Variants in DDX10 observed in about 807,000 individuals in gnomAD.
The protein encoded by DDX10 is DEAD-box helicase 10.
In DDX10, 74 loss-of-function variants were observed where a neutral mutation model predicts 104.3. The ratio of observed to expected loss-of-function variants is 0.71; its 90% confidence interval spans 0.59 to 0.86. The LOEUF (loss-of-function observed/expected upper bound fraction) is 0.86, where lower values mean the gene tolerates loss of function less well. Among genes scored for constraint, DDX10 ranks in the 40% least tolerant of loss-of-function variants. The pLI is 0.00. For synonymous variants in DDX10, 351 were observed against 353.4 expected, an observed-to-expected ratio of 0.99 and a Z score of 0.08; for missense variants, 952 against 1,040.0, an observed-to-expected ratio of 0.92 and a Z score of 1.16.
intron 13 of DDX10, among the ~76,000 whole-genome samples, chr11:108,745,037 T>TTCCCCCTTCCC (rs2094329620): frequency 1.8e-5 from 1 of 54,906 alleles, no homozygotes; most frequent in African/African-American, 7.8e-5. Context: ...AATTACTTTT[T>TTCCCCCTTCCC]CCTTCCCCCT....
Position 108,824,909 on chromosome 11 carries a change from G to A in DDX10, c.1966-13537G>A, listed in dbSNP as rs188260983. Among the ~76,000 whole-genome samples, 106 of 152,214 alleles carry A rather than the reference G, an allele frequency of 7.0e-4. 1 individual carries two copies. The East Asian group carries it at 0.02, about 29-fold the overall frequency. On this transcript the variant is annotated intron_variant, in intron 13 of 17. Coordinates refer to ENST00000322536, the MANE Select transcript of DDX10 (RefSeq NM_004398.4). ...AAAATGTCCTAAGGTAGTAAATAGG[G>A]AATTATGGGATTTTCCCTTAACTAT...
At chr11:108,925,899 T>G (rs1199938720) in intron 17 of DDX10, among the ~76,000 whole-genome samples, 2 of 152,190 alleles carry the variant, frequency 1.3e-5, no homozygotes, top group African/African-American at 4.8e-5. Context: ...TTCTTTCCTT[T>G]GAAGTCATTT....
intron 13 of DDX10, among the ~76,000 whole-genome samples, chr11:108,819,016 C>A (rs1173418693): frequency 1.3e-5 from 2 of 152,162 alleles, no homozygotes; most frequent in Non-Finnish European, 2.9e-5. Flanking sequence ...AGTGGCTTGG[C>A]AGTATGGTGC....
chr11:108,920,143 A>T (rs550709422), intron 17 of DDX10: 2 of 152,196 alleles, frequency 1.3e-5, no homozygotes, highest in Non-Finnish European at 2.9e-5. Context: ...AATAGGTTAA[A>T]TGATACAAGA....
At position 108,931,955 on chromosome 11, in the gene DDX10, C is replaced by T. The variant is rs1298606521; in HGVS notation, c.2451-8291C>T. 5.9e-5 allele frequency among the ~76,000 whole-genome samples: 9 copies of T among 151,948 alleles called. 1 individual carries two copies. Among genetic ancestry groups the T allele is most frequent in the African/African-American group, 2.2e-4 (9 of 41,232 alleles). ...ATATGAATTGTTTTTAGTGAGCCAA[C>T]AAAAGCTACTAGAATCAGGGGTCTG... is the stretch of plus-strand genomic sequence containing the variant. On this transcript the variant is annotated intron_variant, in intron 17 of 17. Coordinates refer to ENST00000322536, the MANE Select transcript of DDX10 (RefSeq NM_004398.4).
chr11:108,884,605 C>G (rs1356049406), intron 16 of DDX10, among the ~76,000 whole-genome samples: 1 of 152,142 alleles, frequency 6.6e-6, no homozygotes, highest in African/African-American at 2.4e-5. Context: ...AGCTTTTATC[C>G]TACTCTACAT....
chr11:108,897,171 A>G (rs1863453049), intron 16 of DDX10, among the ~76,000 whole-genome samples: 1 of 152,202 alleles, frequency 6.6e-6, no homozygotes, highest in Admixed American at 6.5e-5. Flanking sequence ...AGAGGCGGAA[A>G]GCAGGCCTTA....
intron 16 of DDX10, among the ~76,000 whole-genome samples, chr11:108,865,150 G>A (rs1862993285): frequency 6.6e-6 from 1 of 152,164 alleles, no homozygotes; most frequent in Non-Finnish European, 1.5e-5. Flanking sequence ...AGTGCTTCGA[G>A]TGATCACACT....
intron 13 of DDX10, among the ~76,000 whole-genome samples, chr11:108,792,872 A>G (rs1363344661): frequency 2.0e-5 from 3 of 151,984 alleles, no homozygotes; most frequent in Admixed American, 1.3e-4. Context: ...ATTTCCATTC[A>G]TTTGGGTGGT....
At chr11:108,835,078 G>A (rs1692284510) in intron 13 of DDX10, among the ~76,000 whole-genome samples, 1 of 152,150 alleles carries the variant, frequency 6.6e-6, no homozygotes, top group South Asian at 2.1e-4. Flanking sequence ...ATACTGACGA[G>A]GCTGACAGAA....
Position 108,704,147 on chromosome 11 carries a change from T to A in DDX10, c.1224-2592T>A, listed in dbSNP as rs995113162. ...AATGAGTAGATGAGATGGACAGAGG[T>A]GTGACTAGCCTTATTATTCCTTTCT... On this transcript the variant is annotated intron_variant, in intron 9 of 17. Transcript: ENST00000322536. Among the ~76,000 whole-genome samples the A allele has an allele frequency of 3.9e-5, 6 of 152,256 alleles. No individual in the cohort carries two copies. The Middle Eastern group carries it at 0.014, about 345-fold the overall frequency.
Position 108,763,723 on chromosome 11 carries a change from CT to C in DDX10, c.1965+40262del, listed in dbSNP as rs1466356869. Reference sequence around the variant, plus strand: ...ATTGTGACTCATTGGATAGTAGATGCTATTTTAATTGGGGATTAAGTTGGAG... The same window carrying C: ...ATTGTGACTCATTGGATAGTAGATGCATTTTAATTGGGGATTAAGTTGGAG... On this transcript the variant is annotated intron_variant, in intron 13 of 17. Transcript: ENST00000322536. 2.0e-5 allele frequency among the ~76,000 whole-genome samples: 3 copies of C among 151,982 alleles called. No homozygotes were observed. The East Asian group carries it at 5.8e-4, about 29-fold the overall frequency.
In DDX10 at chr11:108,673,517, A is replaced by C. The variant is rs778718757; in HGVS notation, c.237A>C (p.Lys79Asn). ...TTTCAGATTTTCCCTTGTCCAAAAA[A>C]ACATTGAAAGGTAAGTATATGGTGA... ...TRFSDFPLSK[K>N]TLKGLQEAQY... The change falls in exon 2 of 18, where the codon AAA (lysine) becomes AAC (asparagine). Residue 79 changes from lysine (K) to asparagine (N), a missense_variant. Physicochemically the swap from Lys to Asn is moderately conservative, Grantham distance 94 (BLOSUM62 0). Coordinates refer to ENST00000322536, the MANE Select transcript of DDX10 (RefSeq NM_004398.4). 6.3e-7 allele frequency: 1 copy of C among 1,595,522 alleles called. No homozygotes were observed.
chr11:108,788,122 TTGTC>T, intron 13 of DDX10, among the ~76,000 whole-genome samples: 1 of 152,278 alleles, frequency 6.6e-6, no homozygotes, highest in East Asian at 1.9e-4. Flanking sequence ...TCTGAATTCT[TTGTC>T]TGTCATTTCA....
chr11:108,840,825 C>G (rs906235838), intron 14 of DDX10, among the ~76,000 whole-genome samples: 2 of 152,156 alleles, frequency 1.3e-5, no homozygotes, highest in African/African-American at 4.8e-5. Context: ...ACAAGACATA[C>G]AACTGCCCTC....
At chr11:108,784,808 G>A (rs996097812) in intron 13 of DDX10, among the ~76,000 whole-genome samples, 10 of 152,214 alleles carry the variant, frequency 6.6e-5, no homozygotes, top group African/African-American at 2.2e-4. Context: ...TATCTTCTAG[G>A]ATTTTTATAG....
chr11:108,805,100 A>G (rs1224211317), intron 13 of DDX10, among the ~76,000 whole-genome samples: 3 of 152,248 alleles, frequency 2.0e-5, no homozygotes, highest in African/African-American at 7.2e-5. Context: ...AGATGGAAAT[A>G]AATGGATGGT....
chr11:108,747,815 A>G (rs1359566818), intron 13 of DDX10, among the ~76,000 whole-genome samples: 1 of 152,152 alleles, frequency 6.6e-6, no homozygotes. Flanking sequence ...CTTGCTGGAA[A>G]CATTATGACC....
chr11:108,771,047 C>T (rs1047284143), intron 13 of DDX10, among the ~76,000 whole-genome samples: 3 of 152,134 alleles, frequency 2.0e-5, no homozygotes, highest in African/African-American at 7.2e-5. Context: ...GCCATTTTAA[C>T]TGGGGTGAGA....
Sources: gnomAD v4.1 joint callset for allele counts (sites outside exome capture counted in the v4.1 genomes callset) on GRCh38, gnomAD v4.1.1 for gene constraint, MANE v1.5 for transcripts, NCBI Gene and HGNC (gene_info 2026-07-23, HGNC 2026-07-21) for gene names.